The following FOXN2 variants were observed in gnomAD, a reference collection of about 807,000 sequenced individuals.
FOXN2 encodes the protein forkhead box N2.
In FOXN2, 19 loss-of-function variants were observed where a neutral mutation model predicts 41.2. That is an observed-to-expected ratio of 0.46 (90% CI 0.32 to 0.68). The LOEUF (loss-of-function observed/expected upper bound fraction) is 0.68, where lower values mean the gene tolerates loss of function less well. Ranked by LOEUF, FOXN2 falls within the 30% of genes least tolerant of loss-of-function variation. The probability of loss-of-function intolerance (pLI) is 0.03; values close to 1 mark genes in which losing one functional copy is unlikely to be tolerated. For missense variants in FOXN2, 587 were observed against 509.4 expected (o/e 1.15, Z -1.47); for synonymous variants, 195 against 176.8 (o/e 1.10, Z -0.82).
chr2:48,314,841 C>G (rs1418461219), intron 1 of FOXN2, 27 bp downstream of exon 1: 2 of 151,976 alleles, frequency 1.3e-5, no homozygotes, highest in African/African-American at 2.4e-5. Flanking sequence ...GCGGTCCCCT[C>G]CAGGGTCGGC....
chr2:48,336,396 A>G (rs1175238796), intron 2 of FOXN2, among the ~76,000 whole-genome samples: 1 of 148,060 alleles, frequency 6.8e-6, no homozygotes, highest in African/African-American at 2.5e-5. Flanking sequence ...TGACAGAGCA[A>G]GCCTCAGTTT....
At position 48,334,017 on chromosome 2, in the gene FOXN2, A is replaced by G. The variant is rs1282262701; in HGVS notation, c.-15+5315A>G. On this transcript the variant is annotated intron_variant, in intron 2 of 6. Transcript: ENST00000340553. Reference sequence around the variant, plus strand: ...ATAATCAGGTACATTGACTACATACAGTACCATTGAGGACTAAGATATGGA... The same window carrying G: ...ATAATCAGGTACATTGACTACATACGGTACCATTGAGGACTAAGATATGGA... Among the ~76,000 whole-genome samples the G allele has an allele frequency of 2.0e-5, 3 of 152,306 alleles. 1 individual carries two copies. Among genetic ancestry groups the G allele is most frequent in the Admixed American group, 6.5e-5 (1 of 15,302 alleles).
chr2:48,324,783 ATTG>A (rs1669556317), intron 1 of FOXN2, among the ~76,000 whole-genome samples: 1 of 152,168 alleles, frequency 6.6e-6, no homozygotes, highest in African/African-American at 2.4e-5. Flanking sequence ...TCTCATGTCT[ATTG>A]TTTATTTTGG....
chr2:48,332,896 G>A (rs956961126), intron 2 of FOXN2, among the ~76,000 whole-genome samples: 2 of 152,128 alleles, frequency 1.3e-5, no homozygotes, highest in African/African-American at 2.4e-5. Flanking sequence ...GGGATTTGAA[G>A]CCAAGCAATA....
chr2:48,337,780 A>G (rs906772243), intron 2 of FOXN2, among the ~76,000 whole-genome samples: 18 of 152,196 alleles, frequency 1.2e-4, no homozygotes, highest in African/African-American at 4.3e-4. Context: ...GCAGGAATAT[A>G]TATGTTTTAA....
chr2:48,371,037 A>G (rs1466427657), intron 5 of FOXN2, among the ~76,000 whole-genome samples: 1 of 151,980 alleles, frequency 6.6e-6, no homozygotes, highest in African/African-American at 2.4e-5. Flanking sequence ...TTTCTTTTGT[A>G]TCATTTATTG....
chr2:48,375,097 G>C lies in FOXN2; in HGVS notation c.950G>C (p.Arg317Thr). The C allele has an allele frequency of 6.2e-7, 1 of 1,614,068 alleles. No individual in the cohort carries two copies. The highest frequency in any genetic ancestry group is 8.5e-7 in the Non-Finnish European group (1 of 1,179,992). ...ATGGCAGCACAGCGTTGTGCATCCA[G>C]GTCTAGCGTGTCTTCCCTGTCTTCT... ...SSMAAQRCAS[R>T]SSVSSLSSVD... The change falls in exon 7 of 7, where the codon AGG (arginine) becomes ACG (threonine). Residue 317 changes from arginine to threonine, a missense_variant. Physicochemically the swap from Arg to Thr is moderately conservative, Grantham distance 71. Coordinates refer to ENST00000340553, the MANE Select transcript of FOXN2 (RefSeq NM_002158.4).
intron 1 of FOXN2, among the ~76,000 whole-genome samples, chr2:48,328,216 G>A (rs1475528416): frequency 6.6e-6 from 1 of 152,118 alleles, no homozygotes. Context: ...GACTTTTTAA[G>A]TTTCTATAAC....
At position 48,345,252 on chromosome 2, in the gene FOXN2, A is replaced by G. The variant is rs567114885; in HGVS notation, c.-14-949A>G. ...TATAGTGAATTTAATTTAGCTAATG[A>G]TAAATTTAGTGAATAAGAAGTGTTA... On this transcript the variant is annotated intron_variant, in intron 2 of 6. Transcript: ENST00000340553. Among the ~76,000 whole-genome samples the G allele has an allele frequency of 3.9e-5, 6 of 152,270 alleles. No homozygotes were observed. The East Asian group carries it at 1.2e-3, about 29-fold the overall frequency.
chr2:48,322,805 AT>A (rs531242603), intron 1 of FOXN2, among the ~76,000 whole-genome samples: 16 of 148,892 alleles, frequency 1.1e-4, no homozygotes, highest in African/African-American at 2.7e-4. Flanking sequence ...ATTTCTCATA[AT>A]TTTTTTAAGT....
At chr2:48,364,161 G>A (rs1473239379) in intron 5 of FOXN2, among the ~76,000 whole-genome samples, 1 of 151,760 alleles carries the variant, frequency 6.6e-6, no homozygotes, top group Non-Finnish European at 1.5e-5. Flanking sequence ...AGGAAATTTG[G>A]GCAATAAAAA....
intron 3 of FOXN2, among the ~76,000 whole-genome samples, chr2:48,350,362 T>A (rs1671373389): frequency 6.6e-6 from 1 of 152,192 alleles, no homozygotes; most frequent in African/African-American, 2.4e-5. Flanking sequence ...ATCAGCAGAT[T>A]TGAGCATGAG....
intron 1 of FOXN2, among the ~76,000 whole-genome samples, chr2:48,315,777 G>A (rs1042659764): frequency 1.3e-5 from 2 of 152,176 alleles, no homozygotes; most frequent in Admixed American, 6.5e-5. Flanking sequence ...GGGAGTTGGG[G>A]TGTCTGCTTC....
chr2:48,315,316 T>C (rs551333735), intron 1 of FOXN2, among the ~76,000 whole-genome samples: 7 of 152,186 alleles, frequency 4.6e-5, no homozygotes, highest in African/African-American at 9.6e-5. Context: ...CCGGCCCCAG[T>C]TGGGACTGGC....
chr2:48,374,659 A>G (rs1378664391), intron 6 of FOXN2, among the ~76,000 whole-genome samples: 1 of 152,226 alleles, frequency 6.6e-6, no homozygotes, highest in Non-Finnish European at 1.5e-5. Context: ...ACAGTGGTAC[A>G]TTCATATTGA....
intron 1 of FOXN2, among the ~76,000 whole-genome samples, chr2:48,315,412 A>G (rs1045464758): frequency 1.3e-5 from 2 of 151,544 alleles, no homozygotes; most frequent in African/African-American, 4.9e-5. Flanking sequence ...TGTGTGTGGG[A>G]GCGACCCCGG....
chr2:48,314,018 GTCTT>G (rs893384446), upstream of FOXN2, among the ~76,000 whole-genome samples: 2 of 152,216 alleles, frequency 1.3e-5, no homozygotes. Context: ...TGATCCGTAA[GTCTT>G]TTTTTCCCTA....
chr2:48,337,082 C>T (rs1331706482), intron 2 of FOXN2, among the ~76,000 whole-genome samples: 1 of 150,484 alleles, frequency 6.6e-6, no homozygotes, highest in Non-Finnish European at 1.5e-5. Flanking sequence ...ACTCATTAAC[C>T]ACCCCCACCT....
chr2:48,355,655 T>C (rs75348177), intron 3 of FOXN2, among the ~76,000 whole-genome samples: 1 of 152,172 alleles, frequency 6.6e-6, no homozygotes. Context: ...TTGCACTAAA[T>C]GTTAGCATTG....
Sources: gnomAD v4.1 joint callset for allele counts (sites outside exome capture counted in the v4.1 genomes callset) on GRCh38, gnomAD v4.1.1 for gene constraint, MANE v1.5 for transcripts, NCBI Gene and HGNC (gene_info 2026-07-23, HGNC 2026-07-21) for gene names.